Variants in TG observed in about 807,000 individuals in gnomAD.
TG encodes thyroglobulin, also known as thyroid hormones.
TG carries 270 observed loss-of-function variants against 324.7 expected under a neutral mutation model. The ratio of observed to expected loss-of-function variants is 0.83; its 90% CI spans 0.75 to 0.92. The LOEUF (loss-of-function observed/expected upper bound fraction) is 0.92, where lower values mean the gene tolerates loss of function less well. Ranked by LOEUF, TG falls within the 40% of genes least tolerant of loss-of-function variation. The pLI is 0.00. For synonymous variants in TG, 1,401 were observed against 1,327.0 expected (o/e 1.06, Z -1.21); for missense variants, 3,591 against 3,456.4 (o/e 1.04, Z -0.98).
At chr8:133,132,818 C>A in intron 46 of TG, among the ~76,000 whole-genome samples, 1 of 152,156 alleles carries the variant, frequency 6.6e-6, no homozygotes, top group Non-Finnish European at 1.5e-5. Flanking sequence ...GAGGAAGTCA[C>A]AGTTAAGCTG....
chr8:132,967,330 C>G (rs988358401), intron 30 of TG, among the ~76,000 whole-genome samples: 4 of 152,208 alleles, frequency 2.6e-5, no homozygotes, highest in Non-Finnish European at 5.9e-5. Context: ...AGAAAGAGAA[C>G]ACCCAAAATG....
In TG at chr8:132,963,052, G is replaced by A; in HGVS notation, c.5526G>A (p.Arg1842=). The A allele has an allele frequency of 6.2e-7, 1 of 1,613,998 alleles. No individual in the cohort carries two copies. Among genetic ancestry groups the A allele is most frequent in the Non-Finnish European group, 8.5e-7 (1 of 1,179,902 alleles). Residue 1842 remains arginine (R), a synonymous_variant, in exon 29 of 48, where the codon AGG becomes AGA. Coordinates refer to ENST00000220616, the MANE Select transcript of TG (RefSeq NM_003235.5). The stretch of plus-strand genomic sequence containing the variant: ...GATGTAGAAAAGACACAGTGCCAAG[G>A]CCAGCATCTCCAACAGAAGCAGGTA... ...SMGCRKDTVP[R]PASPTEAGLT... is the part of the protein sequence containing the mutation.
At chr8:132,972,207 T>C (rs1278492836) in intron 33 of TG, 7 of 451,924 alleles carry the variant, frequency 1.5e-5, no homozygotes, top group Non-Finnish European at 2.0e-5. Flanking sequence ...AATGCTTGGT[T>C]GATTCCCTTA....
Position 132,968,094 on chromosome 8 carries a change from A to T in TG, c.5863+124A>T, listed in dbSNP as rs6988035. Reference sequence around the variant, plus strand: ...TTTCTTTATACTTTTATTGGTTTCAAGAAGATGGGAACATGGATCCAAACT... The same window carrying T: ...TTTCTTTATACTTTTATTGGTTTCATGAAGATGGGAACATGGATCCAAACT... On this transcript the variant is annotated intron_variant, in intron 31 of 47. Transcript: ENST00000220616. 2,005 of 1,187,624 alleles carry T rather than the reference A, an allele frequency of 1.7e-3. 15 individuals carry two copies. In the African/African-American group the frequency reaches 0.028, roughly 16 times the overall value. The allele number at this position is 1,187,624 out of a possible 1,614,324, so 73.6% of individuals were successfully genotyped here. A position where few individuals can be genotyped will look rare whatever the true frequency, so the allele number is the denominator to read the frequency against.
chr8:132,955,462 C>A (rs1463720694), intron 27 of TG, among the ~76,000 whole-genome samples: 1 of 152,150 alleles, frequency 6.6e-6, no homozygotes, highest in South Asian at 2.1e-4. Flanking sequence ...GATCACAGAC[C>A]CGTTTTGAAT....
At chr8:133,059,544 AG>A (rs1842057015) in intron 41 of TG, among the ~76,000 whole-genome samples, 1 of 152,120 alleles carries the variant, frequency 6.6e-6, no homozygotes, top group Non-Finnish European at 1.5e-5. Flanking sequence ...CTGCAATATT[AG>A]GCTCTTCCCC....
chr8:133,119,604 A>G (rs1038408750), intron 45 of TG, among the ~76,000 whole-genome samples: 1 of 152,158 alleles, frequency 6.6e-6, no homozygotes, highest in Non-Finnish European at 1.5e-5. Flanking sequence ...AACTCCATTC[A>G]TAAGGCTCCA....
chr8:133,089,894 A>T (rs985039374), intron 41 of TG: 1 of 152,084 alleles, frequency 6.6e-6, no homozygotes, highest in Non-Finnish European at 1.5e-5. Flanking sequence ...TCAAGTCCTG[A>T]TGATTCTCTG....
At chr8:133,096,481 C>A in intron 43 of TG, 108 bp downstream of exon 43, 2 of 1,337,266 alleles carry the variant, frequency 1.5e-6, no homozygotes, top group Non-Finnish European at 2.1e-6. Flanking sequence ...TGAGTAACTA[C>A]TGTGTGCAAT....
chr8:132,958,361 A>G (rs56362045), intron 27 of TG, among the ~76,000 whole-genome samples: 3 of 284 alleles, frequency 0.011, no homozygotes, highest in African/African-American at 0.021. Flanking sequence ...CTATCTGTCT[A>G]TCTATCTATC....
At chr8:132,877,011 A>G (rs1307962320) in intron 5 of TG, among the ~76,000 whole-genome samples, 1 of 152,234 alleles carries the variant, frequency 6.6e-6, no homozygotes, top group Non-Finnish European at 1.5e-5. Flanking sequence ...CATTGTAACC[A>G]GAATGTGGAA....
chr8:132,905,007 T>G (rs758445673), intron 16 of TG, among the ~76,000 whole-genome samples: 181 of 152,292 alleles, frequency 1.2e-3, no homozygotes, highest in Non-Finnish European at 2.1e-3. Context: ...GCCTCAGTAT[T>G]GGCGTCTGTA....
intron 41 of TG, chr8:133,040,219 TC>T: frequency 7.2e-7 from 1 of 1,395,950 alleles, no homozygotes; most frequent in Non-Finnish European, 9.8e-7. Flanking sequence ...CCAGTGCAGC[TC>T]CCTGGCTGCT....
intron 35 of TG, among the ~76,000 whole-genome samples, chr8:132,990,511 C>A (rs377366255): frequency 2.0e-4 from 30 of 151,986 alleles, no homozygotes; most frequent in African/African-American, 7.2e-4. Context: ...TGCTACACAG[C>A]AGTGGGAATC....
intron 21 of TG, 131 bp downstream of exon 21, chr8:132,919,656 G>T: frequency 7.7e-7 from 1 of 1,302,548 alleles, no homozygotes; most frequent in Non-Finnish European, 1.1e-6. Flanking sequence ...CCTGTGCTTG[G>T]TAGGATATTT....
Position 132,897,704 on chromosome 8 carries a change from C to G in TG, c.3057C>G (p.Ser1019=). 6.2e-7 allele frequency: 1 copy of G among 1,614,216 alleles called. No homozygotes were observed. The highest frequency in any genetic ancestry group is 1.1e-5 in the South Asian group (1 of 91,084). ...RFSPDDSAGA[S]ALLRSGPYMP... is the part of the protein sequence containing the mutation. ...CCCCGGACGACTCGGCTGGAGCATC[C>G]GCCCTTCTGCGGTCGGGCCCCTACA... The change falls in exon 12 of 48, where the codon TCC becomes TCG. Residue 1019 remains serine, a synonymous_variant. Transcript: ENST00000220616.
chr8:133,095,771 G>A (rs143648315), intron 42 of TG, among the ~76,000 whole-genome samples: 5 of 152,206 alleles, frequency 3.3e-5, no homozygotes, highest in Non-Finnish European at 7.3e-5. Flanking sequence ...TGGCCTGATC[G>A]CCTTAGCAAT....
intron 10 of TG, among the ~76,000 whole-genome samples, chr8:132,893,158 TG>T: frequency 8.9e-6 from 1 of 112,970 alleles, no homozygotes; most frequent in African/African-American, 3.5e-5. Flanking sequence ...TGTGTATGTG[TG>T]GTGAGTGTGG....
intron 41 of TG, chr8:133,049,004 G>C (rs1362320893): frequency 2.8e-6 from 1 of 356,024 alleles, no homozygotes; most frequent in African/African-American, 2.1e-5. Context: ...TTTCCAATGT[G>C]CTTTGCATTT....
Sources: allele counts gnomAD v4.1 joint callset (sites outside exome capture counted in the v4.1 genomes callset), GRCh38; gene constraint gnomAD v4.1.1; transcripts MANE v1.5; gene names NCBI Gene and HGNC (gene_info 2026-07-23, HGNC 2026-07-21).